The following CAMTA1 variants were observed in gnomAD, a reference collection of about 807,000 sequenced individuals.
CAMTA1 encodes the protein calmodulin binding transcription activator 1.
CAMTA1 carries 27 observed loss-of-function variants against 170.9 expected under a neutral mutation model. The observed-to-expected ratio is 0.16, with a 90% CI of 0.12 to 0.22. The LOEUF (loss-of-function observed/expected upper bound fraction) is 0.22. CAMTA1 is among the 10% of genes least tolerant of loss of function. CAMTA1 has a pLI of 1.00. For missense variants in CAMTA1, 1,619 were observed against 2,217.2 expected (o/e 0.73, Z 5.42); for synonymous variants, 833 against 891.5 (o/e 0.93, Z 1.17).
At chr1:7,220,269 A>G (rs1196189362) in intron 4 of CAMTA1, among the ~76,000 whole-genome samples, 1 of 152,214 alleles carries the variant, frequency 6.6e-6, no homozygotes, top group African/African-American at 2.4e-5. Context: ...TAGACCACCT[A>G]TGAATTATTA....
intron 3 of CAMTA1, among the ~76,000 whole-genome samples, chr1:6,948,647 A>G (rs1390877139): frequency 6.6e-6 from 1 of 152,110 alleles, no homozygotes; most frequent in Non-Finnish European, 1.5e-5. Context: ...TATGTTAGAC[A>G]CTATGCTGGA....
At chr1:6,829,321 C>G (rs748836671) in intron 3 of CAMTA1, among the ~76,000 whole-genome samples, 2 of 152,182 alleles carry the variant, frequency 1.3e-5, no homozygotes, top group African/African-American at 4.8e-5. Context: ...TAAGAGAGAT[C>G]GTTGGACCTA....
At chr1:7,392,870 G>A (rs1557643201) in intron 5 of CAMTA1, among the ~76,000 whole-genome samples, 3 of 150,826 alleles carry the variant, frequency 2.0e-5, no homozygotes, top group East Asian at 2.0e-4. Flanking sequence ...ACTCTGTCTC[G>A]ATCAATCAAT....
At chr1:7,070,249 G>A (rs1350014090) in intron 3 of CAMTA1, among the ~76,000 whole-genome samples, 1 of 152,240 alleles carries the variant, frequency 6.6e-6, no homozygotes, top group Non-Finnish European at 1.5e-5. Flanking sequence ...CGCAGCTACG[G>A]AGGGGCCAGA....
At position 7,635,604 on chromosome 1, in the gene CAMTA1, G is replaced by C. The variant is rs563035340; in HGVS notation, c.511-4796G>C. ...AGCCTGGGGGACAGAGCAAGACTCC[G>C]TCTCAAAAAAAAAAAAAAAAAAATA... On this transcript the variant is annotated intron_variant, in intron 6 of 22. Transcript: ENST00000303635. The surrounding 1 kb of genome is among the most constrained non-coding windows in gnomAD (Gnocchi z 4.4). Among the ~76,000 whole-genome samples the C allele has an allele frequency of 1.6e-5, 2 of 128,498 alleles. No homozygotes were observed. The highest frequency in any genetic ancestry group is 3.1e-5 in the Non-Finnish European group (2 of 65,160). The allele number at this position is 128,498 out of a possible 152,430, so 84.3% of individuals were successfully genotyped here. A position where few individuals can be genotyped will look rare whatever the true frequency, so the allele number is the denominator to read the frequency against.
intron 5 of CAMTA1, among the ~76,000 whole-genome samples, chr1:7,348,746 C>T (rs778771905): frequency 6.6e-5 from 10 of 152,330 alleles, no homozygotes; most frequent in South Asian, 2.1e-4. Context: ...TCACCCCTTA[C>T]GTTCAAAACA....
intron 6 of CAMTA1, among the ~76,000 whole-genome samples, chr1:7,602,208 T>G (rs567546174): frequency 6.8e-5 from 10 of 147,526 alleles, no homozygotes; most frequent in Non-Finnish European, 1.2e-4. Flanking sequence ...TTCTATTGAT[T>G]GGAGTAGTTT....
rs887906208 is a variant in CAMTA1 at position 6,970,169 on chromosome 1, A to G, written c.235-121135A>G. ...ATTTTTGTTATAAAATTATATAATAATCTTCCAGAAATTGAGGGACATGGA... is the reference window on the plus strand; with the variant it reads ...ATTTTTGTTATAAAATTATATAATAGTCTTCCAGAAATTGAGGGACATGGA... On this transcript the variant is annotated intron_variant, in intron 3 of 22. Transcript: ENST00000303635. This position sits in a 1 kb window ranked among gnomAD's most constrained non-coding sequence, Gnocchi z 4.4. Among the ~76,000 whole-genome samples, 3 of 152,172 alleles carry G rather than the reference A, an allele frequency of 2.0e-5. No homozygotes were observed. Among genetic ancestry groups the G allele is most frequent in the African/African-American group, 7.2e-5 (3 of 41,434 alleles).
At chr1:7,069,021 G>A (rs1035233724) in intron 3 of CAMTA1, among the ~76,000 whole-genome samples, 3 of 152,174 alleles carry the variant, frequency 2.0e-5, no homozygotes, top group African/African-American at 2.4e-5. Flanking sequence ...CCTGGCCTCC[G>A]CAGAGCTGGC....
At chr1:6,870,629 A>ACAGCTGTTGTATCC (rs1668148288) in intron 3 of CAMTA1, among the ~76,000 whole-genome samples, 1 of 152,258 alleles carries the variant, frequency 6.6e-6, no homozygotes, top group South Asian at 2.1e-4. Flanking sequence ...ATTGTGGGCT[A>ACAGCTGTTGTATCC]CAGCTGAAGT....
intron 3 of CAMTA1, among the ~76,000 whole-genome samples, chr1:6,924,643 G>T (rs1571756216): frequency 6.6e-6 from 1 of 152,316 alleles, no homozygotes; most frequent in South Asian, 2.1e-4. Flanking sequence ...TATTCCTGGT[G>T]AAGAATGAGG....
chr1:7,057,450 C>T (rs1023702394), intron 3 of CAMTA1, among the ~76,000 whole-genome samples: 2 of 152,212 alleles, frequency 1.3e-5, no homozygotes, highest in Non-Finnish European at 2.9e-5. Context: ...GGCTGATTCT[C>T]AGGGCGGCGG....
intron 6 of CAMTA1, among the ~76,000 whole-genome samples, chr1:7,504,800 G>T (rs188450080): frequency 6.6e-6 from 1 of 152,252 alleles, no homozygotes; most frequent in Non-Finnish European, 1.5e-5. Flanking sequence ...TTTCCTAGAG[G>T]GCATGGACAT....
At chr1:7,401,569 A>G (rs1345160383) in intron 5 of CAMTA1, among the ~76,000 whole-genome samples, 3 of 152,050 alleles carry the variant, frequency 2.0e-5, no homozygotes, top group African/African-American at 7.2e-5. Context: ...CATTGAATCT[A>G]TAGATCAGTT....
intron 5 of CAMTA1, among the ~76,000 whole-genome samples, chr1:7,433,931 C>G (rs937878478): frequency 8.5e-5 from 13 of 152,144 alleles, no homozygotes; most frequent in African/African-American, 3.1e-4. Context: ...AGGATCAGCC[C>G]TCCTCATTCA....
rs573973246 is a variant in CAMTA1, at chr1:7,499,099, ATGAG to A, written c.510+31205_510+31208del. ...TGAGTGTGTGTGTGCATGTGTGTCC[ATGAG>A]TGAGTGTGTAGAGAGGATGGTGTGA... On this transcript the variant is annotated intron_variant, in intron 6 of 22. Coordinates refer to ENST00000303635, the MANE Select transcript of CAMTA1 (RefSeq NM_015215.4). 1.5e-3 allele frequency among the ~76,000 whole-genome samples: 185 copies of A among 125,256 alleles called. 2 individuals are homozygous for A. Among genetic ancestry groups the A allele is most frequent in the South Asian group, 0.012 (40 of 3,474 alleles). The allele number at this position is 125,256 out of a possible 152,430, so 82.2% of individuals were successfully genotyped here. A position where few individuals can be genotyped will look rare whatever the true frequency, so the allele number is the denominator to read the frequency against.
intron 4 of CAMTA1, among the ~76,000 whole-genome samples, chr1:7,149,888 A>G (rs540071447): frequency 1.3e-5 from 2 of 152,296 alleles, no homozygotes; most frequent in South Asian, 4.1e-4. Flanking sequence ...AAAACTCCTG[A>G]TAACGATTCA....
At chr1:6,997,456 C>G (rs972296316) in intron 3 of CAMTA1, among the ~76,000 whole-genome samples, 1 of 152,050 alleles carries the variant, frequency 6.6e-6, no homozygotes, top group African/African-American at 2.4e-5. Context: ...AAGCATGTCG[C>G]GTCTCTCCCT....
intron 1 of CAMTA1, chr1:6,806,965 A>G (rs963968355): frequency 2.3e-5 from 12 of 528,324 alleles, no homozygotes; most frequent in African/African-American, 1.9e-4. Context: ...CAAATAACAA[A>G]GTGCCTATCT....
Sources: allele counts gnomAD v4.1 joint callset (sites outside exome capture counted in the v4.1 genomes callset), GRCh38; gene constraint gnomAD v4.1.1; non-coding constraint Gnocchi (gnomAD v3.1); transcripts MANE v1.5; gene names NCBI Gene and HGNC (gene_info 2026-07-23, HGNC 2026-07-21).